The following CSMD3 variants were observed in gnomAD, a reference collection of about 807,000 sequenced individuals.
CSMD3 encodes CUB and Sushi multiple domains 3, also known as CUB and sushi domain-containing protein 3.
In CSMD3, 177 loss-of-function variants were observed where a neutral mutation model predicts 435.2. The ratio of observed to expected loss-of-function variants is 0.41; its 90% CI spans 0.36 to 0.46. CSMD3 has a LOEUF of 0.46. Among genes scored for constraint, CSMD3 ranks in the 20% least tolerant of loss-of-function variants. CSMD3 has a pLI of 0.34. For synonymous variants in CSMD3, 1,656 were observed against 1,520.5 expected (o/e 1.09, Z -2.07); for missense variants, 4,265 against 4,504.6 (o/e 0.95, Z 1.52).
Position 112,306,099 on chromosome 8 carries a change from T to A in CSMD3, c.7979A>T (p.Asp2660Val). The A allele has an allele frequency of 1.9e-6, 3 of 1,613,132 alleles. No individual in the cohort carries two copies. The South Asian group carries it at 3.3e-5, about 18-fold the overall frequency. The change falls in exon 51 of 71, where the codon GAT (aspartate) becomes GTT (valine). Residue 2660 changes from aspartate (D) to valine (V), a missense_variant. Around this residue, in one of 3 missense-constraint regions of CSMD3, gnomAD observed 3,255 missense variants for 3,380.2 expected, o/e 0.96. Transcript: ENST00000297405. ...VGTRVTYFCN[D>V]GYRLSSKELT... Reference sequence around the variant, plus strand: ...TTCTTTGGATGACAATCGATATCCATCATTACAAAAATAGGTAACTCGCGT... The same window carrying A: ...TTCTTTGGATGACAATCGATATCCAACATTACAAAAATAGGTAACTCGCGT...
At chr8:113,421,284 A>C (rs538936830) in intron 1 of CSMD3, among the ~76,000 whole-genome samples, 59 of 152,300 alleles carry the variant, frequency 3.9e-4, no homozygotes, top group African/African-American at 1.4e-3. Context: ...TTGGGGTGAC[A>C]ATGAATATTA....
chr8:112,967,913 A>G (rs2084485118), intron 7 of CSMD3, among the ~76,000 whole-genome samples: 1 of 151,876 alleles, frequency 6.6e-6, no homozygotes, highest in Admixed American at 6.6e-5. Flanking sequence ...CAAAGAAAAA[A>G]TGAAAAGAAA....
chr8:112,556,944 G>A lies in CSMD3; in HGVS notation c.4053C>T (p.Leu1351=), dbSNP rs2131226499. ...GAATGCCAGGATCTTCACAGTGTGA[G>A]AGTTCAAAACCTGGGACAAAAATAT... is the stretch of plus-strand genomic sequence containing the variant. The part of the protein sequence containing the change: ...GFQLVYTSFE[L]SHCEDPGIPQ... The change falls in exon 25 of 71, where the codon CTC becomes CTT. Residue 1351 remains leucine (L), a synonymous_variant. Coordinates refer to ENST00000297405, the MANE Select transcript of CSMD3 (RefSeq NM_198123.2). The A allele has an allele frequency of 1.2e-6, 2 of 1,610,622 alleles. No individual in the cohort carries two copies. The highest frequency in any genetic ancestry group is 1.1e-5 in the South Asian group (1 of 91,030).
chr8:112,997,615 C>A (rs1205736602), intron 6 of CSMD3, among the ~76,000 whole-genome samples: 1 of 151,442 alleles, frequency 6.6e-6, no homozygotes, highest in African/African-American at 2.4e-5. Flanking sequence ...TGACTTTTTT[C>A]TTAGTTTGTA....
chr8:113,416,292 A>G (rs111867946), intron 1 of CSMD3, among the ~76,000 whole-genome samples: 10 of 152,256 alleles, frequency 6.6e-5, no homozygotes, highest in African/African-American at 2.4e-4. Context: ...TAGTTGTTCT[A>G]CAAAACTACA....
chr8:113,129,697 G>GA (rs1360895127), intron 4 of CSMD3, among the ~76,000 whole-genome samples: 1 of 152,120 alleles, frequency 6.6e-6, no homozygotes, highest in Non-Finnish European at 1.5e-5. Flanking sequence ...CTATCCCAAG[G>GA]AGGATTCATA....
chr8:112,940,170 T>A (rs1587719259), intron 9 of CSMD3, among the ~76,000 whole-genome samples: 1 of 152,036 alleles, frequency 6.6e-6, no homozygotes, highest in South Asian at 2.1e-4. Flanking sequence ...TTTTCCTGAA[T>A]ATACATTATA....
Position 112,405,927 on chromosome 8 carries a change from G to A in CSMD3, c.5809+597C>T, listed in dbSNP as rs982926856. On this transcript the variant is annotated intron_variant, in intron 35 of 70. Transcript: ENST00000297405. ...ACTACCAGAGTCTGAGAACTGTAGT[G>A]GACAAAAACACAGAGTGTATAAGAT... Among the ~76,000 whole-genome samples, 6 of 151,970 alleles carry A rather than the reference G, an allele frequency of 3.9e-5. No individual in the cohort carries two copies. In the East Asian group the frequency reaches 1.2e-3, roughly 29 times the overall value.
intron 32 of CSMD3, among the ~76,000 whole-genome samples, chr8:112,467,001 T>C (rs1373744702): frequency 6.6e-6 from 1 of 152,152 alleles, no homozygotes; most frequent in Non-Finnish European, 1.5e-5. Context: ...TGGTTGTGAA[T>C]AAGAAATAAA....
chr8:113,159,092 G>C (rs2091989066), intron 4 of CSMD3, among the ~76,000 whole-genome samples: 1 of 151,920 alleles, frequency 6.6e-6, no homozygotes, highest in Admixed American at 6.6e-5. Context: ...TTAAAGCCAT[G>C]TGGTGAGTAT....
intron 3 of CSMD3, among the ~76,000 whole-genome samples, chr8:113,242,763 C>T (rs558734539): frequency 6.6e-6 from 1 of 152,028 alleles, no homozygotes; most frequent in African/African-American, 2.4e-5. Flanking sequence ...TGAAATCCTA[C>T]TGTGCTTGAA....
In CSMD3 at chr8:112,301,963, A is replaced by C; in HGVS notation, c.8270T>G (p.Ile2757Ser). The C allele has an allele frequency of 6.3e-7, 1 of 1,596,072 alleles. No individual in the cohort carries two copies. Among genetic ancestry groups the C allele is most frequent in the Non-Finnish European group, 8.6e-7 (1 of 1,163,888 alleles). ...WRNERPYCQI[I>S]SCGELPTPPN... ...AGGTGTAGGTAGTTCTCCACAGGAAATAACTTTAAAATGATAAATAAATAA... is the reference window on the plus strand; with the variant it reads ...AGGTGTAGGTAGTTCTCCACAGGAACTAACTTTAAAATGATAAATAAATAA... Residue 2757 changes from isoleucine (I) to serine (S), a missense_variant, in exon 53 of 71, where the codon ATT becomes AGT. Physicochemically the swap from Ile to Ser is moderately radical, Grantham distance 142. Coordinates refer to ENST00000297405, the MANE Select transcript of CSMD3 (RefSeq NM_198123.2).
chr8:112,511,063 C>A (rs1383578740), intron 28 of CSMD3, among the ~76,000 whole-genome samples: 2 of 152,186 alleles, frequency 1.3e-5, no homozygotes, highest in Non-Finnish European at 1.5e-5. Context: ...AGGGATATTG[C>A]AGTTTCAGTT....
At chr8:112,486,736 C>T (rs1301296617) in intron 31 of CSMD3, among the ~76,000 whole-genome samples, 3 of 152,232 alleles carry the variant, frequency 2.0e-5, no homozygotes. Context: ...CCACCCTGAT[C>T]TCTCTTCACA....
intron 10 of CSMD3, among the ~76,000 whole-genome samples, chr8:112,886,873 A>G (rs1473452171): frequency 1.3e-5 from 2 of 151,392 alleles, no homozygotes; most frequent in African/African-American, 4.8e-5. Flanking sequence ...TAATTGTTAT[A>G]CTCTCTTGGT....
intron 11 of CSMD3, among the ~76,000 whole-genome samples, chr8:112,846,214 C>CTTAAAAAAGATAATTCTTTTTTAACATA (rs2080313557): frequency 6.7e-6 from 1 of 150,196 alleles, no homozygotes; most frequent in South Asian, 2.1e-4. Context: ...TAAAATTATT[C>CTTAAAAAAGATAATTCTTTTTTAACATA]TTAAAAAAGA....
chr8:112,235,977 A>T (rs928123032), intron 67 of CSMD3, among the ~76,000 whole-genome samples: 4 of 151,970 alleles, frequency 2.6e-5, no homozygotes, highest in African/African-American at 9.6e-5. Flanking sequence ...CATCAAAGTT[A>T]AATAAAGCAT....
intron 28 of CSMD3, among the ~76,000 whole-genome samples, chr8:112,507,479 C>T (rs1301919001): frequency 6.6e-6 from 1 of 152,078 alleles, no homozygotes; most frequent in East Asian, 1.9e-4. Context: ...TGGAGGTCTT[C>T]GTGGTGGGAT....
chr8:113,367,532 G>A (rs926240361), intron 1 of CSMD3, among the ~76,000 whole-genome samples: 4 of 151,900 alleles, frequency 2.6e-5, no homozygotes, highest in Admixed American at 6.6e-5. Flanking sequence ...TTCAGAAGCC[G>A]TCTTACTGAA....
Sources: allele counts gnomAD v4.1 joint callset (sites outside exome capture counted in the v4.1 genomes callset), GRCh38; gene constraint gnomAD v4.1.1; regional missense constraint gnomAD v4.1.1; transcripts MANE v1.5; gene names NCBI Gene and HGNC (gene_info 2026-07-23, HGNC 2026-07-21).